KCNJ15: variants seen among roughly 807,000 people sequenced by gnomAD.
KCNJ15 encodes potassium inwardly rectifying channel subfamily J member 15, also known as ATP-sensitive inward rectifier potassium channel 15.
Under a neutral mutation model 23.0 loss-of-function variants are expected in KCNJ15, and 14 were observed. The ratio of observed to expected loss-of-function variants is 0.61; its 90% CI spans 0.40 to 0.95. The LOEUF is 0.95. KCNJ15 is among the 40% of genes least tolerant of loss of function. KCNJ15 has a pLI of 0.00. For synonymous variants in KCNJ15, 185 were observed against 183.2 expected (o/e 1.01, Z -0.08); for missense variants, 388 against 461.8 (o/e 0.84, Z 1.46).
chr21:38,261,884 T>C (rs9983227), intron 1 of KCNJ15, among the ~76,000 whole-genome samples: 121,603 of 152,220 alleles, frequency 0.8, 49,268 homozygotes, highest in African/African-American at 0.93. Flanking sequence ...ATCTGTGTCT[T>C]TGGTGAGAAG....
At chr21:38,279,992 T>C (rs573631061) in intron 1 of KCNJ15, among the ~76,000 whole-genome samples, 1 of 152,296 alleles carries the variant, frequency 6.6e-6, no homozygotes, top group African/African-American at 2.4e-5. Flanking sequence ...CCACTGGGAA[T>C]TGGCCAACTA....
At chr21:38,241,110 T>C (rs1978964305) in intron 1 of KCNJ15, among the ~76,000 whole-genome samples, 1 of 152,194 alleles carries the variant, frequency 6.6e-6, no homozygotes, top group African/African-American at 2.4e-5. Context: ...TACTTTATTG[T>C]AAAATAAAAA....
At chr21:38,290,837 T>C (rs1984526787) in intron 1 of KCNJ15, among the ~76,000 whole-genome samples, 1 of 152,058 alleles carries the variant, frequency 6.6e-6, no homozygotes, top group Non-Finnish European at 1.5e-5. Context: ...TGGACTAAGA[T>C]TCACAAAAGC....
rs370706716 is a variant in KCNJ15 at position 38,298,473 on chromosome 21, G to A, written c.-18-771G>A. ...CAAGAATAACCAGCATATTGATCAA[G>A]CCATTAATAAAGCCTAATTATTTGC... On this transcript the variant is annotated intron_variant, in intron 2 of 2. Coordinates refer to ENST00000398938, the MANE Select transcript of KCNJ15 (RefSeq NM_170736.3). Among the ~76,000 whole-genome samples, 11 of 152,262 alleles carry A rather than the reference G, an allele frequency of 7.2e-5. 2 individuals are homozygous for A. Among genetic ancestry groups the A allele is most frequent in the African/African-American group, 2.6e-4 (11 of 41,540 alleles).
At chr21:38,281,414 A>G (rs1314410933) in intron 1 of KCNJ15, among the ~76,000 whole-genome samples, 1 of 152,112 alleles carries the variant, frequency 6.6e-6, no homozygotes, top group African/African-American at 2.4e-5. Flanking sequence ...GGTAGTTTTT[A>G]AAACCACCCC....
chr21:38,259,993 G>A (rs548859979), intron 1 of KCNJ15, among the ~76,000 whole-genome samples: 1 of 152,270 alleles, frequency 6.6e-6, no homozygotes, highest in South Asian at 2.1e-4. Context: ...CCTTTAAAAG[G>A]AGAACTAAGG....
chr21:38,284,643 T>C (rs1983695950), intron 1 of KCNJ15, among the ~76,000 whole-genome samples: 1 of 152,208 alleles, frequency 6.6e-6, no homozygotes, highest in South Asian at 2.1e-4. Flanking sequence ...TTCTCTTCCT[T>C]GAATAAAACC....
At chr21:38,294,729 C>T (rs1016192499) in intron 1 of KCNJ15, among the ~76,000 whole-genome samples, 1 of 152,150 alleles carries the variant, frequency 6.6e-6, no homozygotes, top group South Asian at 2.1e-4. Context: ...TAGCTAAGTA[C>T]CTTTTTCAAT....
intron 1 of KCNJ15, among the ~76,000 whole-genome samples, chr21:38,264,379 C>T (rs549531291): frequency 2.6e-5 from 4 of 152,326 alleles, no homozygotes; most frequent in Admixed American, 2.6e-4. Flanking sequence ...GGATTCCCTC[C>T]CCATTCCCGG....
chr21:38,271,766 C>A, intron 1 of KCNJ15, among the ~76,000 whole-genome samples: 1 of 152,200 alleles, frequency 6.6e-6, no homozygotes, highest in Non-Finnish European at 1.5e-5. Context: ...CATGCCCATC[C>A]TGTGCAGAAG....
intron 1 of KCNJ15, among the ~76,000 whole-genome samples, chr21:38,269,515 A>G (rs1170419579): frequency 1.3e-5 from 2 of 152,224 alleles, no homozygotes; most frequent in Non-Finnish European, 2.9e-5. Context: ...ATACACAGAA[A>G]CATTAAAAAA....
chr21:38,286,235 T>C (rs1024192093), intron 1 of KCNJ15, among the ~76,000 whole-genome samples: 2 of 152,040 alleles, frequency 1.3e-5, no homozygotes, highest in East Asian at 3.9e-4. Flanking sequence ...AGAGCGAGAC[T>C]CCGTCTCAAA....
In KCNJ15 at chr21:38,288,030, G is replaced by GTTTTTTTTTTTTTTTTTTTT. The variant is rs71184612; in HGVS notation, c.-116-8887_-116-8868dup. Among the ~76,000 whole-genome samples the GTTTTTTTTTTTTTTTTTTTT allele has an allele frequency of 8.6e-4, 70 of 81,454 alleles. 7 individuals are homozygous for GTTTTTTTTTTTTTTTTTTTT. Among genetic ancestry groups the GTTTTTTTTTTTTTTTTTTTT allele is most frequent in the East Asian group, 1.5e-3 (4 of 2,638 alleles). The allele number at this position is 81,454 out of a possible 152,430, so 53.4% of individuals were successfully genotyped here. ...TGTTAAATAACTTGTTTTTTTCTTT[G>GTTTTTTTTTTTTTTTTTTTT]TTTTTTTTTTTTTTTTTTTTTTTTT... On this transcript the variant is annotated intron_variant, in intron 1 of 2. Coordinates refer to ENST00000398938, the MANE Select transcript of KCNJ15 (RefSeq NM_170736.3).
chr21:38,257,478 A>G (rs1980379085), intron 1 of KCNJ15, among the ~76,000 whole-genome samples: 1 of 152,222 alleles, frequency 6.6e-6, no homozygotes, highest in South Asian at 2.1e-4. Flanking sequence ...TTGCGGGACA[A>G]GAATTACTCC....
rs1181915024 is a variant in KCNJ15, at chr21:38,306,192, G to A, written c.*5803G>A. On this transcript the variant is annotated 3_prime_UTR_variant, in exon 3 of 3. Transcript: ENST00000398938. ...TTAGCAACCCTTGCCACATGATGTA[G>A]TACTTAGCTATAATTTTATTTTTAT... 9 of 152,178 alleles carry A rather than the reference G, an allele frequency of 5.9e-5. No homozygotes were observed. The allele number at this position is 152,178 out of a possible 1,614,324, so 9.4% of individuals were successfully genotyped here.
chr21:38,277,097 A>G (rs1031527367), intron 1 of KCNJ15, among the ~76,000 whole-genome samples: 7 of 151,144 alleles, frequency 4.6e-5, no homozygotes, highest in African/African-American at 1.7e-4. Context: ...CCAAAAAAGA[A>G]AAAAAAAAGG....
chr21:38,269,231 A>AAAAAC (rs527753814), intron 1 of KCNJ15, among the ~76,000 whole-genome samples: 142 of 152,316 alleles, frequency 9.3e-4, no homozygotes, highest in African/African-American at 3.0e-3. Context: ...TTTTTGTTCT[A>AAAAAC]AAAACAAAAC....
At chr21:38,263,462 C>T (rs775890492) in intron 1 of KCNJ15, among the ~76,000 whole-genome samples, 1 of 152,174 alleles carries the variant, frequency 6.6e-6, no homozygotes, top group Non-Finnish European at 1.5e-5. Context: ...CTAGTTTAGG[C>T]CCCTCTTGAA....
chr21:38,298,420 G>A (rs548587913), intron 2 of KCNJ15: 5 of 152,184 alleles, frequency 3.3e-5, no homozygotes, highest in South Asian at 2.1e-4. Context: ...TAAATATCAC[G>A]TCTAAAATGA....
Sources: gnomAD v4.1 joint callset for allele counts (sites outside exome capture counted in the v4.1 genomes callset) on GRCh38, gnomAD v4.1.1 for gene constraint, MANE v1.5 for transcripts, NCBI Gene and HGNC (gene_info 2026-07-23, HGNC 2026-07-21) for gene names.